Variants in CAPN13 observed in about 807,000 individuals in gnomAD.
The protein encoded by CAPN13 is calpain 13.
In CAPN13, 90 loss-of-function variants were observed where a neutral mutation model predicts 98.4. The ratio of observed to expected loss-of-function variants is 0.92; its 90% CI spans 0.77 to 1.09. CAPN13 has a LOEUF of 1.09. Among genes scored for constraint, CAPN13 ranks in the 50% least tolerant of loss-of-function variants. The pLI is 0.00. For missense variants in CAPN13, 887 were observed against 841.3 expected (o/e 1.05, Z -0.67); for synonymous variants, 330 against 305.5 (o/e 1.08, Z -0.84).
chr2:30,753,711 T>C (rs1672292000), intron 9 of CAPN13, among the ~76,000 whole-genome samples: 1 of 152,338 alleles, frequency 6.6e-6, no homozygotes, highest in African/African-American at 2.4e-5. Context: ...TTTAGATCCA[T>C]GCTCCTTTCC....
chr2:30,789,805 A>G (rs530643355), intron 1 of CAPN13, among the ~76,000 whole-genome samples: 29 of 152,378 alleles, frequency 1.9e-4, no homozygotes, highest in Admixed American at 3.3e-4. Flanking sequence ...AGGACTGTGC[A>G]GAGGCCCAAC....
Position 30,763,076 on chromosome 2 carries a change from C to G in CAPN13, c.774+6G>C. ...GAGAGCTGGACAGGCCAGCAGCCAGCCTTACCTGCTCAGCCCCAGTCACAG... is the reference window on the plus strand; with the variant it reads ...GAGAGCTGGACAGGCCAGCAGCCAGGCTTACCTGCTCAGCCCCAGTCACAG... On this transcript the variant is annotated splice_donor_region_variant and intron_variant, in intron 7 of 22. Coordinates refer to ENST00000295055, the MANE Select transcript of CAPN13 (RefSeq NM_144575.3). 6.2e-7 allele frequency: 1 copy of G among 1,605,140 alleles called. No individual in the cohort carries two copies. Among genetic ancestry groups the G allele is most frequent in the Non-Finnish European group, 8.5e-7 (1 of 1,175,588 alleles).
intron 15 of CAPN13, among the ~76,000 whole-genome samples, chr2:30,741,132 C>T (rs1471010825): frequency 1.3e-5 from 2 of 152,176 alleles, no homozygotes; most frequent in East Asian, 1.9e-4. Context: ...GTACTGACTT[C>T]ATGGAGGTCC....
intron 15 of CAPN13, among the ~76,000 whole-genome samples, chr2:30,740,100 T>G (rs1043739853): frequency 0.014 from 2,132 of 148,540 alleles, 66 homozygotes; most frequent in African/African-American, 0.05. Flanking sequence ...TTTTTTTTTT[T>G]TTTTTTTTTT....
At chr2:30,779,115 T>C (rs570490872) in intron 2 of CAPN13, among the ~76,000 whole-genome samples, 1 of 152,294 alleles carries the variant, frequency 6.6e-6, no homozygotes, top group South Asian at 2.1e-4. Context: ...GGCTGTGGCA[T>C]TTTCAGACCA....
intron 3 of CAPN13, among the ~76,000 whole-genome samples, chr2:30,776,546 C>G (rs2148050936): frequency 6.6e-6 from 1 of 152,300 alleles, no homozygotes; most frequent in Non-Finnish European, 1.5e-5. Context: ...TGCTCAGTTA[C>G]AGCAAATTTT....
At chr2:30,759,929 T>C (rs536137) in intron 7 of CAPN13, among the ~76,000 whole-genome samples, 51,950 of 151,992 alleles carry the variant, frequency 0.34, 9,149 homozygotes, top group Non-Finnish European at 0.36. Context: ...CGGATAAGGC[T>C]CTTTTCTGTT....
At chr2:30,745,476 A>T (rs1371255224) in intron 12 of CAPN13, among the ~76,000 whole-genome samples, 2 of 152,194 alleles carry the variant, frequency 1.3e-5, no homozygotes, top group Admixed American at 1.3e-4. Flanking sequence ...CACGGGCCTG[A>T]GGATGGTTTC....
chr2:30,733,478 C>T (rs2593434), intron 19 of CAPN13, among the ~76,000 whole-genome samples: 81,006 of 151,872 alleles, frequency 0.53, 23,239 homozygotes, highest in African/African-American at 0.75. Context: ...TGAGGTCTTT[C>T]TAAAAGATTT....
At chr2:30,734,980 CA>C (rs1671285384) in intron 18 of CAPN13, among the ~76,000 whole-genome samples, 1 of 152,192 alleles carries the variant, frequency 6.6e-6, no homozygotes, top group African/African-American at 2.4e-5. Flanking sequence ...GCCTACCTCA[CA>C]GGTTTGTTGC....
intron 2 of CAPN13, 22 bp from the exon 3 acceptor site, chr2:30,777,661 G>A: frequency 1.3e-6 from 2 of 1,532,118 alleles, no homozygotes; most frequent in Non-Finnish European, 1.8e-6. Flanking sequence ...AGGGAGAAAA[G>A]CTATGAACAT....
chr2:30,780,777 G>A (rs867048750), intron 2 of CAPN13, among the ~76,000 whole-genome samples: 5 of 152,122 alleles, frequency 3.3e-5, no homozygotes, highest in Non-Finnish European at 7.3e-5. Flanking sequence ...ACCAATAATC[G>A]AAAAAGAGAG....
chr2:30,802,266 G>A (rs773936508), intron 1 of CAPN13, among the ~76,000 whole-genome samples: 4 of 152,222 alleles, frequency 2.6e-5, no homozygotes, highest in Middle Eastern at 3.4e-3. Flanking sequence ...GGAGACACAC[G>A]ATGAAGGTCC....
At chr2:30,724,656 G>A (rs1670795677) in intron 22 of CAPN13, among the ~76,000 whole-genome samples, 1 of 152,168 alleles carries the variant, frequency 6.6e-6, no homozygotes, top group Non-Finnish European at 1.5e-5. Flanking sequence ...AAGGTGCCTG[G>A]TAACCACCAG....
intron 3 of CAPN13, 78 bp from the exon 4 acceptor site, chr2:30,776,123 C>A: frequency 1.1e-6 from 1 of 872,220 alleles, no homozygotes; most frequent in South Asian, 1.7e-5. Context: ...AGGTCCTTAC[C>A]ACCAGAGGCT....
intron 1 of CAPN13, among the ~76,000 whole-genome samples, chr2:30,790,045 G>A (rs1674523502): frequency 6.6e-6 from 1 of 152,214 alleles, no homozygotes; most frequent in Non-Finnish European, 1.5e-5. Flanking sequence ...TCTTGATGGG[G>A]AAGGGAGAAG....
chr2:30,788,102 A>C (rs997674032), intron 1 of CAPN13, among the ~76,000 whole-genome samples: 1 of 152,064 alleles, frequency 6.6e-6, no homozygotes, highest in Non-Finnish European at 1.5e-5. Context: ...GAGGAAAAAA[A>C]GAAAACGAAG....
At chr2:30,729,648 C>A (rs537188653) in intron 22 of CAPN13, 60 of 152,314 alleles carry the variant, frequency 3.9e-4, no homozygotes, top group African/African-American at 1.4e-3. Context: ...TAACTATGAT[C>A]TCTGCAGTAT....
At chr2:30,769,896 T>A (rs915979462) in intron 5 of CAPN13, among the ~76,000 whole-genome samples, 2 of 151,818 alleles carry the variant, frequency 1.3e-5, no homozygotes, top group Non-Finnish European at 2.9e-5. Context: ...ACCTATCCCC[T>A]CTCCCCTTGC....
Sources: gnomAD v4.1 joint callset for allele counts (sites outside exome capture counted in the v4.1 genomes callset) on GRCh38, gnomAD v4.1.1 for gene constraint, MANE v1.5 for transcripts, NCBI Gene and HGNC (gene_info 2026-07-23, HGNC 2026-07-21) for gene names.